Variants in GNAQ observed in about 807,000 individuals in gnomAD.
GNAQ encodes the protein guanine nucleotide-binding protein G(q) subunit alpha.
In GNAQ, 8 loss-of-function variants were observed where a neutral mutation model predicts 43.9. The observed-to-expected ratio is 0.18, with a 90% confidence interval of 0.11 to 0.33. The LOEUF (loss-of-function observed/expected upper bound fraction) is 0.33. Among genes scored for constraint, GNAQ ranks in the 10% least tolerant of loss-of-function variants. The pLI, the probability that GNAQ is intolerant of heterozygous loss-of-function variation, is 1.00. For synonymous variants in GNAQ, 155 were observed against 170.7 expected (o/e 0.91, Z 0.71); for missense variants, 158 against 450.8 (o/e 0.35, Z 5.88).
chr9:77,963,777 C>T (rs1244791356), intron 1 of GNAQ, among the ~76,000 whole-genome samples: 1 of 152,128 alleles, frequency 6.6e-6, no homozygotes, highest in African/African-American at 2.4e-5. Flanking sequence ...CAACAATGTT[C>T]CTACTCGTTC....
In GNAQ at chr9:77,924,378, GTTTC is replaced by G. The variant is rs749155303; in HGVS notation, c.137-2037_137-2034del. 7.6e-4 allele frequency among the ~76,000 whole-genome samples: 116 copies of G among 152,168 alleles called. 1 individual carries two copies. Among genetic ancestry groups the G allele is most frequent in the East Asian group, 7.7e-4 (4 of 5,176 alleles). On this transcript the variant is annotated intron_variant, in intron 1 of 6. Transcript: ENST00000286548. ...ATACAAGACAAAAAAAATCCCGATTGTTTCTTTATTATCACGATCCCAGAGCCAA... is the reference window on the plus strand; with the variant it reads ...ATACAAGACAAAAAAAATCCCGATTGTTTATTATCACGATCCCAGAGCCAA...
intron 2 of GNAQ, among the ~76,000 whole-genome samples, chr9:77,890,863 T>G (rs1195462791): frequency 1.3e-5 from 2 of 152,112 alleles, no homozygotes; most frequent in East Asian, 3.9e-4. Flanking sequence ...ATGGTATAGG[T>G]GGGGCACGTT....
intron 2 of GNAQ, among the ~76,000 whole-genome samples, chr9:77,817,013 C>T (rs1203632407): frequency 6.6e-6 from 1 of 152,044 alleles, no homozygotes; most frequent in East Asian, 1.9e-4. Flanking sequence ...ACTGAGAAGC[C>T]CTAGCTCTTG....
In GNAQ at chr9:77,792,212, T is replaced by C. The variant is rs75929220; in HGVS notation, c.735+2251A>G. ...GTCTCAGAAAGGAACACCGTACAAG[T>C]TGACTTTCATCTTATAGAATTACCT... On this transcript the variant is annotated intron_variant, in intron 5 of 6. Transcript: ENST00000286548. 5.1e-3 allele frequency among the ~76,000 whole-genome samples: 774 copies of C among 152,288 alleles called. 9 individuals are homozygous for C. The highest frequency in any genetic ancestry group is 0.018 in the African/African-American group (738 of 41,580).
At chr9:77,844,823 C>T (rs1279797195) in intron 2 of GNAQ, among the ~76,000 whole-genome samples, 1 of 149,956 alleles carries the variant, frequency 6.7e-6, no homozygotes, top group Non-Finnish European at 1.5e-5. Flanking sequence ...CAGGTGCCTG[C>T]CACCATGCCC....
intron 1 of GNAQ, among the ~76,000 whole-genome samples, chr9:77,984,352 A>G (rs1275622748): frequency 6.6e-6 from 1 of 151,870 alleles, no homozygotes; most frequent in African/African-American, 2.4e-5. Flanking sequence ...TATTCTTTGT[A>G]GAGATGGGGT....
chr9:77,972,810 G>A lies in GNAQ; in HGVS notation c.137-50465C>T, dbSNP rs566310554. 1.3e-4 allele frequency among the ~76,000 whole-genome samples: 19 copies of A among 151,904 alleles called. No individual in the cohort carries two copies. In the East Asian group the frequency reaches 3.3e-3, roughly 26 times the overall value. On this transcript the variant is annotated intron_variant, in intron 1 of 6. Coordinates refer to ENST00000286548, the MANE Select transcript of GNAQ (RefSeq NM_002072.5). ...TCTACTAAAAATACAAAAATTAGCC[G>A]GGCGTGGTGGTGGGCACCTGTAATC... is the stretch of plus-strand genomic sequence containing the variant.
chr9:77,763,550 C>A (rs1043700474), intron 5 of GNAQ, among the ~76,000 whole-genome samples: 1 of 152,116 alleles, frequency 6.6e-6, no homozygotes, highest in African/African-American at 2.4e-5. Context: ...TTGCCATTTG[C>A]GATTTTGCTA....
At chr9:77,884,171 C>G (rs1354673440) in intron 2 of GNAQ, among the ~76,000 whole-genome samples, 2 of 152,180 alleles carry the variant, frequency 1.3e-5, no homozygotes, top group Non-Finnish European at 2.9e-5. Context: ...GAAACACTCT[C>G]AGGGTTGGAA....
intron 1 of GNAQ, among the ~76,000 whole-genome samples, chr9:77,987,365 G>A (rs1340276525): frequency 1.3e-5 from 2 of 152,114 alleles, no homozygotes; most frequent in African/African-American, 4.8e-5. Context: ...CCTTGCGGTT[G>A]AGAATTACAT....
At chr9:77,912,874 G>C (rs1828831404) in intron 2 of GNAQ, among the ~76,000 whole-genome samples, 1 of 152,140 alleles carries the variant, frequency 6.6e-6, no homozygotes, top group African/African-American at 2.4e-5. Flanking sequence ...ACTACTGGGT[G>C]AGGTGGTACA....
chr9:78,024,203 T>C (rs1823947824), intron 1 of GNAQ, among the ~76,000 whole-genome samples: 1 of 152,172 alleles, frequency 6.6e-6, no homozygotes, highest in African/African-American at 2.4e-5. Flanking sequence ...ACCGAAACAT[T>C]GTCCCAAGAG....
At chr9:77,926,399 C>T (rs887666710) in intron 1 of GNAQ, among the ~76,000 whole-genome samples, 1 of 152,150 alleles carries the variant, frequency 6.6e-6, no homozygotes, top group African/African-American at 2.4e-5. Context: ...TCACAATTCT[C>T]TATCTCTGAA....
At chr9:77,887,925 T>C (rs1188715890) in intron 2 of GNAQ, among the ~76,000 whole-genome samples, 1 of 152,224 alleles carries the variant, frequency 6.6e-6, no homozygotes, top group Non-Finnish European at 1.5e-5. Context: ...AATAATTCTT[T>C]TAGCAATTAT....
intron 2 of GNAQ, among the ~76,000 whole-genome samples, chr9:77,838,009 C>T (rs1178932562): frequency 6.6e-6 from 1 of 151,980 alleles, no homozygotes; most frequent in African/African-American, 2.4e-5. Context: ...AGGTATGCGC[C>T]ACCACGCCCA....
intron 5 of GNAQ, among the ~76,000 whole-genome samples, chr9:77,775,208 G>T: frequency 6.6e-6 from 1 of 151,888 alleles, no homozygotes; most frequent in African/African-American, 2.4e-5. Context: ...TATTTTCATT[G>T]TTAACAACTT....
At position 77,769,912 on chromosome 9, in the gene GNAQ, C is replaced by T. The variant is rs376736514; in HGVS notation, c.735+24551G>A. 1.5e-3 allele frequency among the ~76,000 whole-genome samples: 221 copies of T among 152,088 alleles called. 3 individuals carry two copies. Among genetic ancestry groups the T allele is most frequent in the African/African-American group, 5.0e-3 (209 of 41,510 alleles). ...CGATCTCCTGACCTCGTGATCTGCCCGCCTCTGCCTCCCAAAGTGCTGGGA... is the reference window on the plus strand; with the variant it reads ...CGATCTCCTGACCTCGTGATCTGCCTGCCTCTGCCTCCCAAAGTGCTGGGA... On this transcript the variant is annotated intron_variant, in intron 5 of 6. Coordinates refer to ENST00000286548, the MANE Select transcript of GNAQ (RefSeq NM_002072.5).
intron 1 of GNAQ, among the ~76,000 whole-genome samples, chr9:77,928,243 T>G (rs1297001052): frequency 6.6e-6 from 1 of 152,230 alleles, no homozygotes; most frequent in African/African-American, 2.4e-5. Flanking sequence ...ACAGCAGCTC[T>G]AAGACCAAAG....
At chr9:78,015,846 A>G (rs974395335) in intron 1 of GNAQ, among the ~76,000 whole-genome samples, 1 of 152,210 alleles carries the variant, frequency 6.6e-6, no homozygotes, top group East Asian at 1.9e-4. Flanking sequence ...ATAAAATGCA[A>G]AGCCTTAAAC....
Sources: gnomAD v4.1 joint callset for allele counts (sites outside exome capture counted in the v4.1 genomes callset) on GRCh38, gnomAD v4.1.1 for gene constraint, MANE v1.5 for transcripts, NCBI Gene and HGNC (gene_info 2026-07-23, HGNC 2026-07-21) for gene names.